Variants in XIRP2 observed in about 807,000 individuals in gnomAD.
XIRP2 encodes the protein xin actin binding repeat containing 2.
Under a neutral mutation model 277.0 loss-of-function variants are expected in XIRP2, and 236 were observed. The ratio of observed to expected loss-of-function variants is 0.85; its 90% confidence interval spans 0.77 to 0.95. The LOEUF (loss-of-function observed/expected upper bound fraction) is 0.95. Ranked by LOEUF, XIRP2 falls within the 40% of genes least tolerant of loss-of-function variation. The probability of loss-of-function intolerance (pLI) is 0.00; values close to 1 mark genes in which losing one functional copy is unlikely to be tolerated. For synonymous variants in XIRP2, 1,490 were observed against 1,416.5 expected, an observed-to-expected ratio of 1.05 and a Z score of -1.17; for missense variants, 4,640 against 4,157.5, an observed-to-expected ratio of 1.12 and a Z score of -3.19.
intron 2 of XIRP2, among the ~76,000 whole-genome samples, chr2:167,032,090 T>C (rs1688380046): frequency 1.3e-5 from 2 of 152,284 alleles, no homozygotes; most frequent in South Asian, 4.1e-4. Flanking sequence ...AGTATGGTAC[T>C]GGTACCAAAA....
intron 2 of XIRP2, among the ~76,000 whole-genome samples, chr2:167,031,302 A>C (rs1381714376): frequency 6.6e-6 from 1 of 152,006 alleles, no homozygotes; most frequent in Non-Finnish European, 1.5e-5. Flanking sequence ...GGTCTTTACA[A>C]TATGGCACAT....
intron 2 of XIRP2, among the ~76,000 whole-genome samples, chr2:167,036,750 C>T (rs1250954745): frequency 1.3e-5 from 2 of 151,918 alleles, no homozygotes; most frequent in Non-Finnish European, 2.9e-5. Flanking sequence ...TGGCTGTGTC[C>T]CCACCCAAAT....
At chr2:167,004,573 G>A (rs1395793581) in intron 2 of XIRP2, among the ~76,000 whole-genome samples, 4 of 151,812 alleles carry the variant, frequency 2.6e-5, no homozygotes, top group Non-Finnish European at 5.9e-5. Flanking sequence ...GTGTAGCAAC[G>A]TAAGGCCTCT....
At chr2:167,037,525 G>A in intron 2 of XIRP2, among the ~76,000 whole-genome samples, 1 of 149,098 alleles carries the variant, frequency 6.7e-6, no homozygotes, top group South Asian at 2.2e-4. Flanking sequence ...GGGGGTGTGT[G>A]TGTGTGTGTG....
chr2:166,985,501 G>A (rs924858897), intron 2 of XIRP2, among the ~76,000 whole-genome samples: 3 of 151,110 alleles, frequency 2.0e-5, no homozygotes, highest in African/African-American at 4.9e-5. Context: ...TACGATCTCC[G>A]CTCACTGCAA....
rs1358145522 is a variant in XIRP2, at chr2:167,251,763, C to G, written c.10371C>G (p.Thr3457=). 1.8e-5 allele frequency: 29 copies of G among 1,613,256 alleles called. No homozygotes were observed. The highest frequency in any genetic ancestry group is 2.1e-5 in the Non-Finnish European group (25 of 1,179,594). The part of the protein sequence containing the change: ...SGCDFKHAPP[T]YEDVIAGHIL... ...GTGACTTCAAGCATGCCCCACCAAC[C>G]TATGAGGATGTCATTGCTGGACATA... The change falls in exon 9 of 11, where the codon ACC becomes ACG. Residue 3457 remains threonine, a synonymous_variant. Coordinates refer to ENST00000409195, the MANE Select transcript of XIRP2 (RefSeq NM_152381.6).
intron 2 of XIRP2, among the ~76,000 whole-genome samples, chr2:166,927,690 A>G (rs1685226156): frequency 6.6e-6 from 1 of 152,154 alleles, no homozygotes; most frequent in Non-Finnish European, 1.5e-5. Flanking sequence ...TCATCTGATT[A>G]GCAACCTTAA....
rs564227516 is a variant in XIRP2, at chr2:167,143,211, G to A, written c.562+7149G>A. Among the ~76,000 whole-genome samples, 48 of 152,208 alleles carry A rather than the reference G, an allele frequency of 3.2e-4. 1 individual carries two copies. The highest frequency in any genetic ancestry group is 1.1e-3 in the African/African-American group (45 of 41,536). The stretch of plus-strand genomic sequence containing the variant: ...GGGGCTACAGGTATGTGAAGACACA[G>A]CCCCTGCCCCTGAGTAGCTTATAGT... On this transcript the variant is annotated intron_variant, in intron 3 of 10. Transcript: ENST00000409195.
chr2:167,043,637 A>G (rs1688718185), intron 2 of XIRP2, among the ~76,000 whole-genome samples: 1 of 152,094 alleles, frequency 6.6e-6, no homozygotes, highest in Non-Finnish European at 1.5e-5. Context: ...CCAAGATTGA[A>G]CTAGGAAGAA....
At chr2:167,103,893 T>A (rs896346926) in intron 2 of XIRP2, among the ~76,000 whole-genome samples, 1 of 152,276 alleles carries the variant, frequency 6.6e-6, no homozygotes, top group South Asian at 2.1e-4. Context: ...CTCTATTAAG[T>A]TACTGCATTA....
At position 167,257,040 on chromosome 2, in the gene XIRP2, T is replaced by A. The variant is rs117983898; in HGVS notation, c.*40-817T>A. 4.3e-4 allele frequency among the ~76,000 whole-genome samples: 66 copies of A among 152,056 alleles called. 1 individual carries two copies. In the East Asian group the frequency reaches 8.9e-3, roughly 21 times the overall value. On this transcript the variant is annotated intron_variant, in intron 10 of 10. Coordinates refer to ENST00000409195, the MANE Select transcript of XIRP2 (RefSeq NM_152381.6). ...CTCATTGTCTATTGGAGATCACAAA[T>A]CTCCTCAAAGTTTCAGCTGCTGTTC...
intron 2 of XIRP2, among the ~76,000 whole-genome samples, chr2:167,001,956 A>G (rs1244806449): frequency 6.6e-6 from 1 of 152,106 alleles, no homozygotes; most frequent in African/African-American, 2.4e-5. Flanking sequence ...TTACTCTTTA[A>G]TTCTGAAAAC....
intron 3 of XIRP2, among the ~76,000 whole-genome samples, chr2:167,201,968 C>T (rs1693732812): frequency 6.6e-6 from 1 of 152,078 alleles, no homozygotes. Context: ...GTTACTTCCT[C>T]AACACTAAAA....
rs750289516 is a variant in XIRP2 at position 167,258,818 on chromosome 2, A to G, written c.*1001A>G. 6.2e-7 allele frequency: 1 copy of G among 1,613,198 alleles called. No homozygotes were observed. On this transcript the variant is annotated 3_prime_UTR_variant, in exon 11 of 11. Coordinates refer to ENST00000409195, the MANE Select transcript of XIRP2 (RefSeq NM_152381.6). ...TGAGAAGTTAGAAAATACATCTAGA[A>G]TCTCAGAGTTACTTGGTATATTTGA...
At chr2:167,194,054 T>C (rs1693429036) in intron 3 of XIRP2, among the ~76,000 whole-genome samples, 2 of 151,924 alleles carry the variant, frequency 1.3e-5, no homozygotes, top group Non-Finnish European at 1.5e-5. Flanking sequence ...TAAATTTTCA[T>C]TGTTGATACC....
chr2:166,972,892 T>G (rs1686616949), intron 2 of XIRP2, among the ~76,000 whole-genome samples: 1 of 152,226 alleles, frequency 6.6e-6, no homozygotes, highest in African/African-American at 2.4e-5. Flanking sequence ...TGGCAATTTT[T>G]GTAATCAATT....
intron 3 of XIRP2, among the ~76,000 whole-genome samples, chr2:167,189,147 T>C (rs1693249293): frequency 1.3e-5 from 2 of 152,196 alleles, no homozygotes; most frequent in African/African-American, 2.4e-5. Context: ...GTATTCTTTT[T>C]ACTTACTTGG....
Position 167,245,989 on chromosome 2 carries a change from C to A in XIRP2, c.4597C>A (p.Pro1533Thr), listed in dbSNP as rs1695247142. The part of the protein sequence containing the change: ...KTTTWLFETT[P>T]LHEFNETRVE... ...AACCACATGGCTCTTTGAAACAACACCACTTCATGAATTTAATGAAACTAG... is the reference window on the plus strand; with the variant it reads ...AACCACATGGCTCTTTGAAACAACAACACTTCATGAATTTAATGAAACTAG... The change falls in exon 9 of 11, where the codon CCA becomes ACA. Residue 1533 changes from proline (P) to threonine (T), a missense_variant. Physicochemically the swap from Pro to Thr is conservative, Grantham distance 38. Transcript: ENST00000409195. 1.2e-6 allele frequency: 2 copies of A among 1,613,126 alleles called. No homozygotes were observed. The highest frequency in any genetic ancestry group is 1.7e-6 in the Non-Finnish European group (2 of 1,179,672).
chr2:167,160,832 A>C (rs1168956577), intron 3 of XIRP2, among the ~76,000 whole-genome samples: 1 of 152,076 alleles, frequency 6.6e-6, no homozygotes, highest in Non-Finnish European at 1.5e-5. Context: ...TTCAGCATTA[A>C]CTCGAAAGTC....
Sources: gnomAD v4.1 joint callset for allele counts (sites outside exome capture counted in the v4.1 genomes callset) on GRCh38, gnomAD v4.1.1 for gene constraint, MANE v1.5 for transcripts, NCBI Gene and HGNC (gene_info 2026-07-23, HGNC 2026-07-21) for gene names.